The following ZNF385D variants were observed in gnomAD, a reference collection of about 807,000 sequenced individuals.
ZNF385D encodes the protein zinc finger protein 659.
In ZNF385D, 15 loss-of-function variants were observed where a neutral mutation model predicts 35.8. That is an observed-to-expected ratio of 0.42 (90% CI 0.28 to 0.64). The LOEUF is 0.64. Among genes scored for constraint, ZNF385D ranks in the 30% least tolerant of loss-of-function variants. The pLI, the probability that ZNF385D is intolerant of heterozygous loss-of-function variation, is 0.23. For missense variants in ZNF385D, 474 were observed against 494.6 expected, an observed-to-expected ratio of 0.96 and a Z score of 0.39; for synonymous variants, 212 against 186.8, an observed-to-expected ratio of 1.13 and a Z score of -1.10.
At chr3:21,696,627 C>T (rs907145596) in intron 1 of ZNF385D, among the ~76,000 whole-genome samples, 3 of 152,226 alleles carry the variant, frequency 2.0e-5, no homozygotes, top group Non-Finnish European at 4.4e-5. Flanking sequence ...TGTGTATCCA[C>T]ACAACATACC....
At chr3:21,718,019 G>T (rs1017031935) in intron 1 of ZNF385D, among the ~76,000 whole-genome samples, 1 of 152,254 alleles carries the variant, frequency 6.6e-6, no homozygotes, top group East Asian at 1.9e-4. Flanking sequence ...ATAAGTCTGG[G>T]GAGGCACCAC....
intron 2 of ZNF385D, among the ~76,000 whole-genome samples, chr3:22,195,302 A>G (rs1388548933): frequency 1.3e-5 from 2 of 151,922 alleles, no homozygotes; most frequent in East Asian, 1.9e-4. Context: ...TCATACATAT[A>G]TTCTCTTTGC....
intron 1 of ZNF385D, among the ~76,000 whole-genome samples, chr3:21,715,346 A>G (rs939914922): frequency 7.9e-5 from 12 of 151,862 alleles, no homozygotes; most frequent in African/African-American, 2.7e-4. Flanking sequence ...AGACCATGTG[A>G]TATTTGTCTT....
intron 3 of ZNF385D, among the ~76,000 whole-genome samples, chr3:22,067,981 C>G (rs189101859): frequency 6.0e-5 from 9 of 150,086 alleles, no homozygotes; most frequent in African/African-American, 7.5e-5. Flanking sequence ...CCACTGCACA[C>G]CAGCCTGGTG....
Position 22,254,480 on chromosome 3 carries a change from G to C in ZNF385D, c.107-85445C>G, listed in dbSNP as rs76209893. Among the ~76,000 whole-genome samples the C allele has an allele frequency of 9.3e-3, 1,411 of 151,798 alleles. 41 individuals carry two copies. The highest frequency in any genetic ancestry group is 0.056 in the Admixed American group (857 of 15,170). On this transcript the variant is annotated intron_variant, in intron 2 of 5. Coordinates refer to the ZNF385D transcript ENST00000494108. ...AAGTATCTTCCATGTGTTTATATCA[G>C]TGTTATTTTTCTATTTCTTTACACA...
intron 1 of ZNF385D, among the ~76,000 whole-genome samples, chr3:21,710,789 A>G (rs1161892934): frequency 6.6e-6 from 1 of 152,172 alleles, no homozygotes; most frequent in Non-Finnish European, 1.5e-5. Flanking sequence ...GTAACCTCTC[A>G]TTGAATACTT....
intron 4 of ZNF385D, among the ~76,000 whole-genome samples, chr3:21,451,083 G>GATTTA (rs1190900782): frequency 1.3e-5 from 2 of 152,014 alleles, no homozygotes; most frequent in Non-Finnish European, 2.9e-5. Flanking sequence ...TTAAGTTACA[G>GATTTA]ATTTATAGGG....
intron 2 of ZNF385D, among the ~76,000 whole-genome samples, chr3:22,334,641 T>C (rs750357920): frequency 5.3e-5 from 8 of 152,190 alleles, no homozygotes; most frequent in Non-Finnish European, 7.4e-5. Flanking sequence ...AATTCTATTT[T>C]ACATCAAGAT....
At chr3:21,949,554 C>CTTTT (rs372298558) in intron 3 of ZNF385D, among the ~76,000 whole-genome samples, 3 of 112,940 alleles carry the variant, frequency 2.7e-5, no homozygotes, top group South Asian at 2.9e-4. Context: ...TTCTTTCTTT[C>CTTTT]TTTTTTTTTT....
intron 2 of ZNF385D, among the ~76,000 whole-genome samples, chr3:22,363,719 G>C (rs1412147574): frequency 6.6e-6 from 1 of 152,096 alleles, no homozygotes; most frequent in African/African-American, 2.4e-5. Flanking sequence ...ACAGAACATA[G>C]GTTTGAGTAC....
intron 2 of ZNF385D, among the ~76,000 whole-genome samples, chr3:21,647,569 A>C (rs1329274168): frequency 6.6e-6 from 1 of 152,192 alleles, no homozygotes; most frequent in African/African-American, 2.4e-5. Flanking sequence ...ATAGCTAATT[A>C]TGTAATATTG....
intron 4 of ZNF385D, among the ~76,000 whole-genome samples, chr3:21,478,060 A>G (rs1318518352): frequency 1.3e-5 from 2 of 152,150 alleles, no homozygotes; most frequent in African/African-American, 4.8e-5. Flanking sequence ...AATTTTGTTC[A>G]GGAAGGAGTA....
intron 2 of ZNF385D, among the ~76,000 whole-genome samples, chr3:22,335,738 G>A (rs1331105105): frequency 1.3e-5 from 2 of 151,976 alleles, no homozygotes; most frequent in African/African-American, 2.4e-5. Flanking sequence ...AGGTTTTAAG[G>A]AACAACTTTC....
intron 2 of ZNF385D, among the ~76,000 whole-genome samples, chr3:22,222,427 T>C (rs1163610316): frequency 6.6e-6 from 1 of 152,210 alleles, no homozygotes; most frequent in East Asian, 1.9e-4. Context: ...AAAATTAAGT[T>C]CTGGGGTCAA....
chr3:21,478,590 C>G (rs1704397812), intron 4 of ZNF385D, among the ~76,000 whole-genome samples: 1 of 152,174 alleles, frequency 6.6e-6, no homozygotes, highest in South Asian at 2.1e-4. Context: ...ATTACTATAA[C>G]TTTGGATACT....
intron 3 of ZNF385D, among the ~76,000 whole-genome samples, chr3:21,514,051 A>G (rs1707401670): frequency 6.6e-6 from 1 of 152,082 alleles, no homozygotes; most frequent in Non-Finnish European, 1.5e-5. Flanking sequence ...AATTTTACTG[A>G]GAGATTTTTT....
chr3:21,628,103 G>C (rs1262807445), intron 2 of ZNF385D, among the ~76,000 whole-genome samples: 3 of 152,048 alleles, frequency 2.0e-5, no homozygotes, highest in Non-Finnish European at 2.9e-5. Flanking sequence ...TACGGACAAA[G>C]GCCTGTTTAA....
At chr3:21,850,871 T>A (rs1696342582) in intron 3 of ZNF385D, among the ~76,000 whole-genome samples, 1 of 151,884 alleles carries the variant, frequency 6.6e-6, no homozygotes, top group Admixed American at 6.6e-5. Context: ...ACAACTAAAT[T>A]AATTGCCTGC....
chr3:21,717,679 G>A (rs924434575), intron 1 of ZNF385D, among the ~76,000 whole-genome samples: 2 of 152,122 alleles, frequency 1.3e-5, no homozygotes, highest in African/African-American at 4.8e-5. Flanking sequence ...TGTTCTTGTG[G>A]TAGTGAATAA....
Sources: allele counts gnomAD v4.1 joint callset (sites outside exome capture counted in the v4.1 genomes callset), GRCh38; gene constraint gnomAD v4.1.1; transcripts MANE v1.5; gene names NCBI Gene and HGNC (gene_info 2026-07-23, HGNC 2026-07-21).